The following EYS variants were observed in gnomAD, a reference collection of about 807,000 sequenced individuals.
EYS encodes protein eyes shut homolog.
EYS carries 250 observed loss-of-function variants against 282.1 expected under a neutral mutation model. The ratio of observed to expected loss-of-function variants is 0.89; its 90% CI spans 0.80 to 0.98. EYS has a LOEUF of 0.98. Ranked by LOEUF, EYS falls within the 50% of genes least tolerant of loss-of-function variation. The pLI is 0.00. For missense variants in EYS, 4,016 were observed against 3,709.0 expected (o/e 1.08, Z -2.15); for synonymous variants, 1,355 against 1,282.9 (o/e 1.06, Z -1.20).
chr6:64,148,660 G>A (rs1750728925), intron 31 of EYS, among the ~76,000 whole-genome samples: 1 of 152,022 alleles, frequency 6.6e-6, no homozygotes, highest in South Asian at 2.1e-4. Flanking sequence ...CCCTAAAATT[G>A]ATCTTACATC....
At chr6:65,219,793 G>C (rs1003050994) in intron 12 of EYS, among the ~76,000 whole-genome samples, 1 of 152,080 alleles carries the variant, frequency 6.6e-6, no homozygotes, top group Non-Finnish European at 1.5e-5. Context: ...GGAGGCAAAA[G>C]GTACATCTTA....
chr6:63,798,985 GTGTATATA>G lies in EYS; in HGVS notation c.7411+7197_7411+7204del, dbSNP rs1331120647. ...TGTGTATATATATATATGTATATGT[GTGTATATA>G]TATATATATATATATATATATATAT... On this transcript the variant is annotated intron_variant, in intron 37 of 42. Coordinates refer to ENST00000503581, the MANE Select transcript of EYS (RefSeq NM_001142800.2). Among the ~76,000 whole-genome samples the G allele has an allele frequency of 6.6e-4, 58 of 87,516 alleles. 2 individuals are homozygous for G. The highest frequency in any genetic ancestry group is 2.2e-3 in the African/African-American group (40 of 18,204). 57.4% of individuals were successfully genotyped at this position (87,516 alleles called of 152,430 possible).
At chr6:64,716,179 G>A (rs1398534944) in intron 22 of EYS, among the ~76,000 whole-genome samples, 2 of 152,198 alleles carry the variant, frequency 1.3e-5, no homozygotes, top group African/African-American at 4.8e-5. Flanking sequence ...GGATGACACA[G>A]TGTGTAAACT....
At chr6:65,616,603 T>C (rs983532326) in intron 2 of EYS, among the ~76,000 whole-genome samples, 4 of 152,140 alleles carry the variant, frequency 2.6e-5, no homozygotes, top group African/African-American at 7.2e-5. Context: ...CTGGCCAAAA[T>C]GGTGAAACCC....
chr6:64,018,803 C>T, intron 33 of EYS, among the ~76,000 whole-genome samples: 2 of 106,416 alleles, frequency 1.9e-5, no homozygotes, highest in African/African-American at 7.5e-5. Context: ...GAGACAGAGT[C>T]TCACTCTGTT....
At chr6:64,177,801 G>C (rs1315446412) in intron 31 of EYS, among the ~76,000 whole-genome samples, 1 of 152,058 alleles carries the variant, frequency 6.6e-6, no homozygotes, top group Non-Finnish European at 1.5e-5. Flanking sequence ...AGAGTCTTTA[G>C]TGGTCAGAAG....
chr6:65,605,955 T>C (rs974979250), intron 2 of EYS, among the ~76,000 whole-genome samples: 1 of 151,646 alleles, frequency 6.6e-6, no homozygotes, highest in Non-Finnish European at 1.5e-5. Flanking sequence ...CTTTTACACA[T>C]TTCAGTAGTT....
At chr6:65,440,591 T>G (rs1768275583) in intron 5 of EYS, among the ~76,000 whole-genome samples, 1 of 151,422 alleles carries the variant, frequency 6.6e-6, no homozygotes, top group South Asian at 2.1e-4. Flanking sequence ...CACAAGTAAT[T>G]TTTGCTTGTC....
At position 65,138,545 on chromosome 6, in the gene EYS, A is replaced by G. The variant is rs192289761; in HGVS notation, c.2024-80818T>C. Among the ~76,000 whole-genome samples, 11 of 152,232 alleles carry G rather than the reference A, an allele frequency of 7.2e-5. No homozygotes were observed. In the East Asian group the frequency reaches 9.7e-4, roughly 13 times the overall value. On this transcript the variant is annotated intron_variant, in intron 12 of 42. Coordinates refer to ENST00000503581, the MANE Select transcript of EYS (RefSeq NM_001142800.2). ...GACATTATTTGTAAAACAAACAGAA[A>G]ACTGAAAGTTGGAGGGAAGAAGCAA... is the stretch of plus-strand genomic sequence containing the variant.
At chr6:65,519,708 A>ATATATATATATTTTTTTTTTTTTT (rs1554205854) in intron 2 of EYS, among the ~76,000 whole-genome samples, 2 of 42,560 alleles carry the variant, frequency 4.7e-5, no homozygotes, top group Non-Finnish European at 3.7e-5. Flanking sequence ...ATATATATAT[A>ATATATATATATTTTTTTTTTTTTT]TTTTTTTTTT....
At chr6:65,585,810 TTG>T (rs1765023817) in intron 2 of EYS, among the ~76,000 whole-genome samples, 1 of 151,956 alleles carries the variant, frequency 6.6e-6, no homozygotes, top group Non-Finnish European at 1.5e-5. Context: ...ACAGTTATTG[TTG>T]TAAGAGCTAA....
intron 31 of EYS, among the ~76,000 whole-genome samples, chr6:64,176,037 T>C (rs1764623498): frequency 6.6e-6 from 1 of 151,946 alleles, no homozygotes; most frequent in South Asian, 2.1e-4. Context: ...ATTTTAAACA[T>C]GATGGTAAGG....
At chr6:64,227,205 G>A (rs1254543942) in intron 31 of EYS, among the ~76,000 whole-genome samples, 1 of 151,822 alleles carries the variant, frequency 6.6e-6, no homozygotes, top group Admixed American at 6.6e-5. Flanking sequence ...TGACCACTCA[G>A]ACACAATTTT....
intron 22 of EYS, among the ~76,000 whole-genome samples, chr6:64,632,599 G>T (rs1004094109): frequency 6.4e-4 from 1 of 1,560 alleles, no homozygotes; most frequent in African/African-American, 7.4e-4. Flanking sequence ...TGATATACCA[G>T]AATATCTAAC....
intron 24 of EYS, among the ~76,000 whole-genome samples, chr6:64,615,317 G>A (rs1339418335): frequency 6.6e-6 from 1 of 151,878 alleles, no homozygotes. Flanking sequence ...TATCCCATTT[G>A]CACTAAAGAT....
intron 32 of EYS, among the ~76,000 whole-genome samples, chr6:64,069,885 A>G (rs989958432): frequency 1.3e-5 from 2 of 152,162 alleles, no homozygotes; most frequent in African/African-American, 4.8e-5. Context: ...GTTAACCTAA[A>G]TAACATATTT....
intron 26 of EYS, among the ~76,000 whole-genome samples, chr6:64,566,547 G>A (rs1765572795): frequency 6.6e-6 from 1 of 152,084 alleles, no homozygotes; most frequent in African/African-American, 2.4e-5. Context: ...CAACAGTGCA[G>A]GGGATATGTC....
intron 35 of EYS, among the ~76,000 whole-genome samples, chr6:63,892,196 C>A (rs1358808611): frequency 6.6e-6 from 1 of 152,160 alleles, no homozygotes; most frequent in African/African-American, 2.4e-5. Context: ...ATCAAGCTAC[C>A]ATTGACTTTC....
chr6:64,805,394 T>C (rs1318864175), intron 22 of EYS, among the ~76,000 whole-genome samples: 1 of 151,996 alleles, frequency 6.6e-6, no homozygotes, highest in Non-Finnish European at 1.5e-5. Flanking sequence ...ATGTGATCAC[T>C]AACTGTGGTT....
Sources: allele counts gnomAD v4.1 joint callset (sites outside exome capture counted in the v4.1 genomes callset), GRCh38; gene constraint gnomAD v4.1.1; transcripts MANE v1.5; gene names NCBI Gene and HGNC (gene_info 2026-07-23, HGNC 2026-07-21).